The following TDRD12 variants were observed in gnomAD, a reference collection of about 807,000 sequenced individuals.
The protein encoded by TDRD12 is putative ATP-dependent RNA helicase TDRD12.
Under a neutral mutation model 133.5 loss-of-function variants are expected in TDRD12, and 158 were observed. The observed-to-expected ratio is 1.18, with a 90% CI of 1.04 to 1.35. The LOEUF (loss-of-function observed/expected upper bound fraction) is 1.35, where lower values mean the gene tolerates loss of function less well. Among genes scored for constraint, TDRD12 ranks in the 40% most tolerant of loss-of-function variants. TDRD12 has a pLI of 0.00. For synonymous variants in TDRD12, 460 were observed against 477.9 expected (o/e 0.96, Z 0.49); for missense variants, 1,443 against 1,321.3 (o/e 1.09, Z -1.43).
At position 32,811,417 on chromosome 19, in the gene TDRD12, G is replaced by A. The variant is rs751586199; in HGVS notation, c.3045G>A (p.Pro1015=). 50 of 1,535,974 alleles carry A rather than the reference G, an allele frequency of 3.3e-5. No homozygotes were observed. The East Asian group carries it at 8.3e-4, about 26-fold the overall frequency. The change falls in exon 24 of 28, where the codon CCG becomes CCA. Residue 1015 remains proline (P), a synonymous_variant. Transcript: ENST00000444215. ...CTGACAACGAAATAGAATGGAATCC[G>A]AAGGTGGGTGATTTTGGCTTTTTAT...
chr19:32,738,782 C>T lies in TDRD12; in HGVS notation c.184-74C>T, dbSNP rs549179539. The T allele has an allele frequency of 6.8e-6, 10 of 1,477,724 alleles. No homozygotes were observed. In the African/African-American group the frequency reaches 9.8e-5, roughly 15 times the overall value. 91.5% of individuals were successfully genotyped at this position (1,477,724 alleles called of 1,614,324 possible). On this transcript the variant is annotated intron_variant, in intron 2 of 27. Coordinates refer to ENST00000444215, the Ensembl canonical transcript of TDRD12. The stretch of plus-strand genomic sequence containing the variant: ...GAGCTGAGATTGTGCCACTGCACTC[C>T]AGCCTGGGCAATGGAGTAACACTCT...
chr19:32,752,735 A>G (rs1969868365), intron 6 of TDRD12, among the ~76,000 whole-genome samples: 1 of 151,110 alleles, frequency 6.6e-6, no homozygotes, highest in East Asian at 1.9e-4. Context: ...CTGATGCCAC[A>G]ATGTTTATCA....
chr19:32,760,143 GTCAAAATTATTT>G (rs1326147869), intron 8 of TDRD12, among the ~76,000 whole-genome samples: 1 of 152,176 alleles, frequency 6.6e-6, no homozygotes, highest in African/African-American at 2.4e-5. Context: ...TGCTTGATAT[GTCAAAATTATTT>G]TCAGGAGTCC....
At chr19:32,802,163 G>C (rs531566324) in intron 19 of TDRD12, among the ~76,000 whole-genome samples, 1 of 140,036 alleles carries the variant, frequency 7.1e-6, no homozygotes, top group South Asian at 2.2e-4. Flanking sequence ...ATATATATAT[G>C]ATAATATATA....
intron 4 of TDRD12, 113 bp downstream of exon 4, chr19:32,743,013 T>C: frequency 7.7e-7 from 1 of 1,304,414 alleles, no homozygotes; most frequent in South Asian, 1.7e-5. Flanking sequence ...AGGTCTCTGT[T>C]CTTCAGGAGG....
At position 32,793,318 on chromosome 19, in the gene TDRD12, A is replaced by G. The variant is rs570608629; in HGVS notation, c.1288-1310A>G. Reference sequence around the variant, plus strand: ...GACATACAGAGTCTTAAAAAAACGTACTTCCCTTCCAACCTTTGTCAAGAA... The same window carrying G: ...GACATACAGAGTCTTAAAAAAACGTGCTTCCCTTCCAACCTTTGTCAAGAA... On this transcript the variant is annotated intron_variant, in intron 13 of 27. Coordinates refer to ENST00000444215, the Ensembl canonical transcript of TDRD12. Among the ~76,000 whole-genome samples the G allele has an allele frequency of 3.3e-4, 50 of 152,296 alleles. No individual in the cohort carries two copies. In the South Asian group the frequency reaches 0.01, roughly 31 times the overall value.
chr19:32,798,407 A>T, exon 16 of TDRD12: 1 of 1,535,826 alleles, frequency 6.5e-7, no homozygotes, highest in African/African-American at 1.4e-5. Context: ...GATGAGGTAG[A>T]GGTGCTATTC....
intron 6 of TDRD12, among the ~76,000 whole-genome samples, chr19:32,753,175 G>A (rs1056834852): frequency 1.2e-4 from 19 of 152,252 alleles, no homozygotes; most frequent in Admixed American, 1.2e-3. Context: ...GGCACTTGGT[G>A]TGCTTGTTCC....
intron 10 of TDRD12, among the ~76,000 whole-genome samples, chr19:32,774,305 A>G (rs1031863234): frequency 1.3e-5 from 2 of 152,178 alleles, no homozygotes. Flanking sequence ...GAGTTAACTA[A>G]CAAAAATATC....
At chr19:32,730,374 G>A (rs776339838) in intron 1 of TDRD12, among the ~76,000 whole-genome samples, 1 of 152,094 alleles carries the variant, frequency 6.6e-6, no homozygotes, top group Non-Finnish European at 1.5e-5. Flanking sequence ...GTGTAAAAGT[G>A]GATCTCACCC....
intron 25 of TDRD12, 39 bp downstream of exon 25, chr19:32,813,815 A>T: frequency 8.9e-7 from 1 of 1,117,470 alleles, no homozygotes; most frequent in Non-Finnish European, 1.3e-6. Context: ...ATTTGTTTGA[A>T]TGGGCGGCTA....
At chr19:32,822,507 G>C (rs1206025266), downstream of TDRD12, among the ~76,000 whole-genome samples, 1 of 152,216 alleles carries the variant, frequency 6.6e-6, no homozygotes, top group Non-Finnish European at 1.5e-5. Context: ...CAGCACTTTG[G>C]GAGGCCAGGA....
intron 8 of TDRD12, 22 bp downstream of exon 30, chr19:32,826,379 T>C (rs1332448015): frequency 8.6e-7 from 1 of 1,165,822 alleles, no homozygotes; most frequent in Non-Finnish European, 1.1e-6. Flanking sequence ...TATAGTCATA[T>C]AAAGTAAAAT....
At chr19:32,742,558 A>G (rs1289656958) in intron 3 of TDRD12, among the ~76,000 whole-genome samples, 1 of 152,134 alleles carries the variant, frequency 6.6e-6, no homozygotes, top group African/African-American at 2.4e-5. Flanking sequence ...TCCGTGCTTT[A>G]TGTATCAAAA....
Position 32,810,244 on chromosome 19 carries a change from T to A in TDRD12, c.2804T>A (p.Leu935Ter), listed in dbSNP as rs775470889. The change falls in exon 23 of 28, where the codon TTG becomes TAG. Residue 935 changes from leucine (L) to a stop codon, truncating the protein, a stop_gained. Coordinates refer to ENST00000444215, the Ensembl canonical transcript of TDRD12. LOFTEE classifies it high-confidence loss of function. ...GTGGAAAAGGTGGAGAAGTTTGGAT[T>A]GTATGGATTAGCAGAAAAAACGCTT... is the stretch of plus-strand genomic sequence containing the variant. 1.4e-5 allele frequency: 21 copies of A among 1,525,888 alleles called. No individual in the cohort carries two copies. Among genetic ancestry groups the A allele is most frequent in the Non-Finnish European group, 1.8e-5 (21 of 1,143,688 alleles). 94.5% of individuals were successfully genotyped at this position (1,525,888 alleles called of 1,614,324 possible). A position where few individuals can be genotyped will look rare whatever the true frequency, so the allele number is the denominator to read the frequency against.
intron 1 of TDRD12, among the ~76,000 whole-genome samples, chr19:32,724,742 A>G (rs1968805704): frequency 6.6e-6 from 1 of 152,100 alleles, no homozygotes; most frequent in Admixed American, 6.6e-5. Context: ...ATACCCAGTA[A>G]TGGGATTGCT....
At chr19:32,755,038 A>T (rs1439054991) in intron 6 of TDRD12, among the ~76,000 whole-genome samples, 1 of 152,304 alleles carries the variant, frequency 6.6e-6, no homozygotes, top group South Asian at 2.1e-4. Context: ...ATGTGTCCCA[A>T]GGTGTTTTCT....
At position 32,737,488 on chromosome 19, in the gene TDRD12, A is replaced by G. The variant is rs1599838720; in HGVS notation, c.184-1368A>G. 2.6e-5 allele frequency among the ~76,000 whole-genome samples: 4 copies of G among 152,190 alleles called. No individual in the cohort carries two copies. In the East Asian group the frequency reaches 7.7e-4, roughly 29 times the overall value. On this transcript the variant is annotated intron_variant, in intron 2 of 27. Coordinates refer to ENST00000444215, the Ensembl canonical transcript of TDRD12. ...CCAAAGTGCTGGGACCACAGGCGTG[A>G]ACCACCATGCCTGGCCCAGGTAGTT...
At chr19:32,820,801 G>C (rs1264963107) in intron 27 of TDRD12, among the ~76,000 whole-genome samples, 2 of 152,158 alleles carry the variant, frequency 1.3e-5, no homozygotes, top group African/African-American at 2.4e-5. Flanking sequence ...TCTTGGTGAA[G>C]AGTGAAGGCC....
Sources: allele counts gnomAD v4.1 joint callset (sites outside exome capture counted in the v4.1 genomes callset), GRCh38; gene constraint gnomAD v4.1.1; transcripts MANE v1.5; gene names NCBI Gene and HGNC (gene_info 2026-07-23, HGNC 2026-07-21).